Variants in CREB5 observed in about 807,000 individuals in gnomAD.
The protein encoded by CREB5 is cyclic AMP-responsive element-binding protein 5.
CREB5 carries 19 observed loss-of-function variants against 57.1 expected under a neutral mutation model. The observed-to-expected ratio is 0.33, with a 90% CI of 0.23 to 0.49. The LOEUF is 0.49. Among genes scored for constraint, CREB5 ranks in the 20% least tolerant of loss-of-function variants. The pLI, the probability that CREB5 is intolerant of heterozygous loss-of-function variation, is 0.99. For missense variants in CREB5, 579 were observed against 671.6 expected, an observed-to-expected ratio of 0.86 and a Z score of 1.52; for synonymous variants, 238 against 238.3, an observed-to-expected ratio of 1.00 and a Z score of 0.01.
At chr7:28,797,695 C>T (rs1808129008) in intron 7 of CREB5, among the ~76,000 whole-genome samples, 1 of 152,228 alleles carries the variant, frequency 6.6e-6, no homozygotes. Flanking sequence ...TCTATCGCCA[C>T]ATCTCCAAGT....
intron 5 of CREB5, among the ~76,000 whole-genome samples, chr7:28,710,117 A>C (rs1266959241): frequency 6.6e-6 from 1 of 152,218 alleles, no homozygotes; most frequent in East Asian, 1.9e-4. Flanking sequence ...TGGGTCTAGA[A>C]CTCATCTAAA....
At chr7:28,721,470 T>TC (rs1019747167) in intron 6 of CREB5, among the ~76,000 whole-genome samples, 7 of 152,162 alleles carry the variant, frequency 4.6e-5, no homozygotes, top group Admixed American at 6.5e-5. Context: ...CTTAGGCATT[T>TC]CAAACCTGGT....
At chr7:28,596,652 C>T (rs76066642) in intron 5 of CREB5, among the ~76,000 whole-genome samples, 4,680 of 152,232 alleles carry the variant, frequency 0.031, 259 homozygotes, top group African/African-American at 0.11. Context: ...CAAGCCTGGG[C>T]CCTGCTAGTT....
At chr7:28,548,530 C>A (rs960229225) in intron 4 of CREB5, among the ~76,000 whole-genome samples, 1 of 152,118 alleles carries the variant, frequency 6.6e-6, no homozygotes, top group East Asian at 1.9e-4. Context: ...ATTGATGGGG[C>A]CAAACGAATG....
intron 1 of CREB5, among the ~76,000 whole-genome samples, chr7:28,345,499 G>C (rs1562667112): frequency 6.6e-6 from 1 of 152,176 alleles, no homozygotes; most frequent in Non-Finnish European, 1.5e-5. Context: ...GGGGTGAATG[G>C]TGCTGGGAGG....
chr7:28,521,143 T>G (rs1037300413), intron 4 of CREB5, among the ~76,000 whole-genome samples: 3 of 151,694 alleles, frequency 2.0e-5, no homozygotes, highest in African/African-American at 7.3e-5. Context: ...TGTGTGTGTG[T>G]GGGCATGCAA....
At chr7:28,816,378 G>C (rs1185780957) in intron 9 of CREB5, among the ~76,000 whole-genome samples, 3 of 152,134 alleles carry the variant, frequency 2.0e-5, no homozygotes, top group Non-Finnish European at 4.4e-5. Context: ...ACATTCATTT[G>C]GAGTTGGGAG....
chr7:28,557,084 C>G (rs1488789596), intron 4 of CREB5, among the ~76,000 whole-genome samples: 1 of 142,294 alleles, frequency 7.0e-6, no homozygotes, highest in Non-Finnish European at 1.6e-5. Flanking sequence ...CTGTTCCCAC[C>G]TTTGCAAAAA....
chr7:28,473,325 G>GA (rs973451834), intron 1 of CREB5, among the ~76,000 whole-genome samples: 1 of 151,820 alleles, frequency 6.6e-6, no homozygotes, highest in African/African-American at 2.4e-5. Context: ...CCATCTCTGA[G>GA]AAAAAAAATA....
At chr7:28,476,082 C>T (rs1335601459) in intron 1 of CREB5, among the ~76,000 whole-genome samples, 1 of 152,196 alleles carries the variant, frequency 6.6e-6, no homozygotes, top group South Asian at 2.1e-4. Flanking sequence ...ACAGACCAAA[C>T]CTACCCAAGC....
At chr7:28,607,606 G>A (rs763599626) in intron 5 of CREB5, among the ~76,000 whole-genome samples, 2 of 152,154 alleles carry the variant, frequency 1.3e-5, no homozygotes, top group Non-Finnish European at 2.9e-5. Context: ...AATGCTCAGT[G>A]GTTCCAGCAC....
chr7:28,549,915 C>A (rs1200279704), intron 4 of CREB5, among the ~76,000 whole-genome samples: 3 of 152,196 alleles, frequency 2.0e-5, no homozygotes, highest in Non-Finnish European at 2.9e-5. Flanking sequence ...CCCTAGAGCA[C>A]ATCAGCCACT....
intron 4 of CREB5, among the ~76,000 whole-genome samples, chr7:28,518,779 C>T (rs62449891): frequency 0.022 from 3,262 of 151,208 alleles, 45 homozygotes; most frequent in Non-Finnish European, 0.031. Context: ...ACTTCCTGTG[C>T]GATCCACACT....
chr7:28,681,318 C>T (rs2128724336), intron 5 of CREB5, among the ~76,000 whole-genome samples: 1 of 152,270 alleles, frequency 6.6e-6, no homozygotes, highest in South Asian at 2.1e-4. Flanking sequence ...TGTGTTGCCG[C>T]TAGTTCAGGC....
chr7:28,581,469 G>T (rs1796122749), intron 5 of CREB5, among the ~76,000 whole-genome samples: 1 of 152,178 alleles, frequency 6.6e-6, no homozygotes, highest in African/African-American at 2.4e-5. Flanking sequence ...AGACTTGGTT[G>T]GTTCCTTGCC....
At chr7:28,518,313 C>T (rs1049581525) in intron 4 of CREB5, among the ~76,000 whole-genome samples, 1 of 152,128 alleles carries the variant, frequency 6.6e-6, no homozygotes, top group African/African-American at 2.4e-5. Context: ...AGTCACTTCC[C>T]CAAAGAAGAA....
chr7:28,757,431 G>A (rs1332154471), intron 7 of CREB5, among the ~76,000 whole-genome samples: 4 of 152,202 alleles, frequency 2.6e-5, no homozygotes, highest in Admixed American at 6.5e-5. Flanking sequence ...CCAGCACTTT[G>A]GGAGGCTGAG....
chr7:28,804,794 G>A (rs1808611170), intron 8 of CREB5, among the ~76,000 whole-genome samples: 1 of 152,202 alleles, frequency 6.6e-6, no homozygotes, highest in South Asian at 2.1e-4. Context: ...TTTGCAGTGT[G>A]TCAGAAAGTT....
chr7:28,336,828 T>C (rs1360337749), intron 1 of CREB5, among the ~76,000 whole-genome samples: 2 of 152,056 alleles, frequency 1.3e-5, no homozygotes, highest in Non-Finnish European at 2.9e-5. Context: ...GATGCGTGCT[T>C]ACAGCTATAA....
Sources: allele counts gnomAD v4.1 joint callset (sites outside exome capture counted in the v4.1 genomes callset), GRCh38; gene constraint gnomAD v4.1.1; transcripts MANE v1.5; gene names NCBI Gene and HGNC (gene_info 2026-07-23, HGNC 2026-07-21).